Variants in LRRC74A observed in about 807,000 individuals in gnomAD.
The protein encoded by LRRC74A is leucine rich repeat containing 74A, also known as leucine-rich repeat-containing protein 74A.
In LRRC74A, 44 loss-of-function variants were observed where a neutral mutation model predicts 57.9. The ratio of observed to expected loss-of-function variants is 0.76; its 90% confidence interval spans 0.60 to 0.98. The LOEUF (loss-of-function observed/expected upper bound fraction) is 0.98, where lower values mean the gene tolerates loss of function less well. LRRC74A is among the 50% of genes least tolerant of loss of function. LRRC74A has a pLI of 0.00. For missense variants in LRRC74A, 572 were observed against 574.0 expected, an observed-to-expected ratio of 1.00 and a Z score of 0.04; for synonymous variants, 211 against 219.4, an observed-to-expected ratio of 0.96 and a Z score of 0.34.
At chr14:76,868,808 C>T (rs1899172584) in intron 13 of LRRC74A, among the ~76,000 whole-genome samples, 1 of 152,254 alleles carries the variant, frequency 6.6e-6, no homozygotes, top group African/African-American at 2.4e-5. Context: ...AGAAAGGCAG[C>T]CAGACCCAGC....
At chr14:76,828,671 G>A (rs1375839064) in intron 2 of LRRC74A, 22 of 614,318 alleles carry the variant, frequency 3.6e-5, no homozygotes, top group Middle Eastern at 5.1e-4. Flanking sequence ...TGTTAAAAGC[G>A]GAATCAATAC....
Position 76,826,635 on chromosome 14 carries a change from C to CT in LRRC74A, c.-61dup, listed in dbSNP as rs774922810. On this transcript the variant is annotated 5_prime_UTR_variant, in exon 1 of 14. It removes the in-frame stop codon of an upstream open reading frame in the 5' UTR. Coordinates refer to ENST00000689127, the MANE Select transcript of LRRC74A (RefSeq NM_001385106.1). ...CAGAGGTGAATGGACAGGTGTGCTT[C>CT]TTAGGGAAGCAGTCGAGAGGTGGCA... 6.2e-7 allele frequency: 1 copy of CT among 1,609,940 alleles called. No homozygotes were observed. Among genetic ancestry groups the CT allele is most frequent in the East Asian group, 2.2e-5 (1 of 44,806 alleles).
At chr14:76,859,897 T>G (rs1245935681) in intron 10 of LRRC74A, among the ~76,000 whole-genome samples, 2 of 152,008 alleles carry the variant, frequency 1.3e-5, no homozygotes, top group African/African-American at 2.4e-5. Flanking sequence ...AGGCTGGTCT[T>G]GAATTTCCGA....
At chr14:76,853,133 C>A in intron 8 of LRRC74A, 83 bp from the exon 9 acceptor site, 3 of 1,326,856 alleles carry the variant, frequency 2.3e-6, no homozygotes, top group Non-Finnish European at 2.1e-6. Flanking sequence ...TGGATGCCAA[C>A]AGGGGGTAGA....
chr14:76,849,085 G>A (rs1289919163), intron 7 of LRRC74A, among the ~76,000 whole-genome samples: 2 of 152,198 alleles, frequency 1.3e-5, no homozygotes, highest in Admixed American at 6.5e-5. Context: ...ACCTTTCCAT[G>A]TGGGGCAGTT....
rs1162244534 is a variant in LRRC74A, at chr14:76,836,316, T to C, written c.447+2T>C. The C allele has an allele frequency of 6.3e-7, 1 of 1,597,040 alleles. No individual in the cohort carries two copies. Among genetic ancestry groups the C allele is most frequent in the East Asian group, 2.2e-5 (1 of 44,770 alleles). The stretch of plus-strand genomic sequence containing the variant: ...GAGAACTACTACCTCCAGGAGATGG[T>C]ACTGTGCCCCCCTGTGCTGGCTCTT... On this transcript the variant is annotated splice_donor_variant, in intron 4 of 13. Coordinates refer to ENST00000689127, the MANE Select transcript of LRRC74A (RefSeq NM_001385106.1). LOFTEE classifies it high-confidence loss of function.
chr14:76,830,619 G>A (rs1301030365), intron 2 of LRRC74A, among the ~76,000 whole-genome samples: 1 of 152,238 alleles, frequency 6.6e-6, no homozygotes, highest in Non-Finnish European at 1.5e-5. Context: ...ATGCAAGCAT[G>A]CTTGTTTCTC....
chr14:76,838,224 G>A (rs1240732680), intron 5 of LRRC74A, among the ~76,000 whole-genome samples: 1 of 152,038 alleles, frequency 6.6e-6, no homozygotes, highest in Non-Finnish European at 1.5e-5. Flanking sequence ...ACTGAATAGG[G>A]AACTATTAAT....
At chr14:76,829,331 C>T (rs1169912685) in intron 2 of LRRC74A, among the ~76,000 whole-genome samples, 1 of 152,194 alleles carries the variant, frequency 6.6e-6, no homozygotes, top group Non-Finnish European at 1.5e-5. Context: ...TATAAACCTC[C>T]CCACCATGGT....
intron 10 of LRRC74A, among the ~76,000 whole-genome samples, chr14:76,859,812 A>G (rs973695723): frequency 6.6e-6 from 1 of 151,810 alleles, no homozygotes; most frequent in African/African-American, 2.4e-5. Context: ...AGTAGCTGGG[A>G]TTACAGGCAC....
intron 5 of LRRC74A, 63 bp downstream of exon 5, chr14:76,838,034 CAG>C (rs1896491244): frequency 9.1e-7 from 1 of 1,101,228 alleles, no homozygotes; most frequent in Non-Finnish European, 1.3e-6. Context: ...AGGGGAAAAA[CAG>C]AGAATTCAAT....
chr14:76,837,791 A>G (rs1003732039), intron 4 of LRRC74A, 84 bp from the exon 5 acceptor site: 3 of 788,124 alleles, frequency 3.8e-6, no homozygotes, highest in African/African-American at 3.5e-5. Context: ...CACAGGACTC[A>G]AGTAAACCAC....
At chr14:76,832,596 C>T (rs1289736533) in intron 3 of LRRC74A, among the ~76,000 whole-genome samples, 1 of 152,202 alleles carries the variant, frequency 6.6e-6, no homozygotes, top group Non-Finnish European at 1.5e-5. Context: ...GCATAAGCCA[C>T]TGGACCTGGC....
At chr14:76,845,002 A>G (rs929636260) in intron 7 of LRRC74A, 101 bp downstream of exon 7, 2 of 693,196 alleles carry the variant, frequency 2.9e-6, no homozygotes, top group Admixed American at 5.3e-5. Context: ...AAATGTTGTG[A>G]TTATAAAAGT....
intron 3 of LRRC74A, among the ~76,000 whole-genome samples, chr14:76,832,279 A>G (rs1202390778): frequency 1.3e-5 from 2 of 151,974 alleles, no homozygotes; most frequent in African/African-American, 4.8e-5. Flanking sequence ...AATGAAAGGA[A>G]CCCTTCCATC....
chr14:76,866,917 T>G (rs1595406682), intron 12 of LRRC74A, among the ~76,000 whole-genome samples: 7 of 113,386 alleles, frequency 6.2e-5, no homozygotes, highest in East Asian at 2.8e-4. Flanking sequence ...TTGTGTGGGG[T>G]GTGTGTGTTG....
chr14:76,867,260 G>T, intron 12 of LRRC74A, 96 bp from the exon 13 acceptor site: 6 of 418,232 alleles, frequency 1.4e-5, no homozygotes, highest in South Asian at 1.1e-4. Context: ...GGGGGGTGGG[G>T]TGTGTGTGTT....
intron 3 of LRRC74A, 53 bp downstream of exon 3, chr14:76,831,428 G>C: frequency 6.3e-7 from 1 of 1,594,756 alleles, no homozygotes; most frequent in Non-Finnish European, 8.6e-7. Context: ...AGGGTTGGCA[G>C]AGTGGTAGGC....
chr14:76,850,692 C>A (rs1290079493), intron 7 of LRRC74A, among the ~76,000 whole-genome samples: 1 of 151,868 alleles, frequency 6.6e-6, no homozygotes, highest in Non-Finnish European at 1.5e-5. Context: ...CATGATGAAA[C>A]CCTGTCTCTA....
Sources: allele counts gnomAD v4.1 joint callset (sites outside exome capture counted in the v4.1 genomes callset), GRCh38; gene constraint gnomAD v4.1.1; transcripts MANE v1.5; gene names NCBI Gene and HGNC (gene_info 2026-07-23, HGNC 2026-07-21).